SAMD4A: variants seen among roughly 807,000 people sequenced by gnomAD.
SAMD4A encodes protein Smaug homolog 1.
In SAMD4A, 33 loss-of-function variants were observed where a neutral mutation model predicts 81.3. The observed-to-expected ratio is 0.41, with a 90% confidence interval of 0.31 to 0.54. SAMD4A has a LOEUF of 0.54. Among genes scored for constraint, SAMD4A ranks in the 20% least tolerant of loss-of-function variants. The pLI is 0.37. For missense variants in SAMD4A, 854 were observed against 951.1 expected (o/e 0.90, Z 1.34); for synonymous variants, 389 against 382.1 (o/e 1.02, Z -0.21).
intron 3 of SAMD4A, among the ~76,000 whole-genome samples, chr14:54,727,820 GCA>G (rs534072436): frequency 2.0e-5 from 3 of 151,900 alleles, no homozygotes; most frequent in African/African-American, 7.3e-5. Flanking sequence ...ACACGCACGC[GCA>G]CACACACACA....
intron 6 of SAMD4A, among the ~76,000 whole-genome samples, chr14:54,759,683 AC>A (rs747266200): frequency 2.4e-4 from 36 of 152,166 alleles, no homozygotes; most frequent in Non-Finnish European, 1.0e-4. Context: ...CCAGCCTCTG[AC>A]CCAGAGTCTC....
intron 2 of SAMD4A, among the ~76,000 whole-genome samples, chr14:54,634,674 A>T (rs1473887931): frequency 6.6e-6 from 1 of 152,082 alleles, no homozygotes; most frequent in African/African-American, 2.4e-5. Flanking sequence ...GTGGACCAGT[A>T]CCGGTCTGTG....
In SAMD4A at chr14:54,620,724, T is replaced by TA. The variant is rs534810703; in HGVS notation, c.196+52616dup. Among the ~76,000 whole-genome samples the TA allele has an allele frequency of 2.0e-4, 31 of 152,344 alleles. No individual in the cohort carries two copies. In the East Asian group the frequency reaches 5.6e-3, roughly 27 times the overall value. On this transcript the variant is annotated intron_variant, in intron 2 of 12. Coordinates refer to ENST00000554335, the MANE Select transcript of SAMD4A (RefSeq NM_015589.6). ...TTTCTGAGCAAACTTGTCTGTAATT[T>TA]AAAATTGAACCTAGAAAAAAATCAT...
At chr14:54,632,372 A>C (rs1036338815) in intron 2 of SAMD4A, among the ~76,000 whole-genome samples, 3 of 152,250 alleles carry the variant, frequency 2.0e-5, no homozygotes, top group African/African-American at 4.8e-5. Context: ...CAAAAGGCAC[A>C]AAAGAATACA....
intron 2 of SAMD4A, among the ~76,000 whole-genome samples, chr14:54,579,617 T>C (rs1338558677): frequency 3.9e-5 from 6 of 152,218 alleles, no homozygotes; most frequent in African/African-American, 1.4e-4. Flanking sequence ...ACATTTTAAC[T>C]CTCCATAGCT....
intron 2 of SAMD4A, chr14:54,688,069 T>C: frequency 2.0e-6 from 2 of 985,566 alleles, no homozygotes; most frequent in Non-Finnish European, 2.4e-6. Context: ...TCTTATGTGA[T>C]CATTCCATCA....
At chr14:54,654,818 A>G (rs550948718) in intron 2 of SAMD4A, among the ~76,000 whole-genome samples, 7 of 152,326 alleles carry the variant, frequency 4.6e-5, no homozygotes, top group African/African-American at 1.7e-4. Context: ...CCTTCACTCC[A>G]TGGTTGGTGC....
At chr14:54,626,739 C>T (rs1480453367) in intron 2 of SAMD4A, among the ~76,000 whole-genome samples, 1 of 152,132 alleles carries the variant, frequency 6.6e-6, no homozygotes, top group African/African-American at 2.4e-5. Flanking sequence ...CAGCAATTCT[C>T]TGTTCAACAC....
At chr14:54,783,053 G>A (rs1054772104) in intron 11 of SAMD4A, among the ~76,000 whole-genome samples, 2 of 151,880 alleles carry the variant, frequency 1.3e-5, no homozygotes, top group East Asian at 1.9e-4. Context: ...GAGACTTCTC[G>A]GTCACCTGGA....
chr14:54,614,803 C>T (rs1220585769), intron 2 of SAMD4A, among the ~76,000 whole-genome samples: 2 of 151,986 alleles, frequency 1.3e-5, no homozygotes, highest in African/African-American at 4.8e-5. Context: ...CTGGAGAAAC[C>T]CACTGTTTTC....
At chr14:54,787,237 C>A (rs1363166984) in intron 12 of SAMD4A, among the ~76,000 whole-genome samples, 4 of 152,232 alleles carry the variant, frequency 2.6e-5, no homozygotes, top group Non-Finnish European at 5.9e-5. Context: ...ACCACTGACA[C>A]ACTCAGGGAC....
At chr14:54,565,460 C>A (rs1467485500), upstream of SAMD4A, among the ~76,000 whole-genome samples, 5 of 152,244 alleles carry the variant, frequency 3.3e-5, no homozygotes, top group East Asian at 7.7e-4. This position sits in a 1 kb window ranked among gnomAD's most constrained non-coding sequence, Gnocchi z 5.4. Context: ...CGGCACCCGA[C>A]CCGGGCCAGG....
Position 54,760,274 on chromosome 14 carries a change from G to A in SAMD4A, c.1290G>A (p.Arg430=), listed in dbSNP as rs775011168. 6.2e-7 allele frequency: 1 copy of A among 1,612,484 alleles called. No individual in the cohort carries two copies. Among genetic ancestry groups the A allele is most frequent in the South Asian group, 1.1e-5 (1 of 90,956 alleles). The change falls in exon 7 of 13, where the codon CGG becomes CGA. Residue 430 remains arginine, a synonymous_variant. Transcript: ENST00000554335. ...SPSTTPEARR[R]EPQAPRQPSL... ...GCACCACCCCCGAGGCTCGCCGCCG[G>A]GAGCCCCAGGCCCCGCGTCAGCCCT...
intron 4 of SAMD4A, among the ~76,000 whole-genome samples, chr14:54,741,468 G>A (rs1317929393): frequency 6.6e-6 from 1 of 152,208 alleles, no homozygotes; most frequent in African/African-American, 2.4e-5. Flanking sequence ...CTCATTCACA[G>A]GTTACTTTTG....
In SAMD4A at chr14:54,751,501, C is replaced by T; in HGVS notation, c.1140C>T (p.Leu380=). Residue 380 remains leucine, a synonymous_variant, in exon 6 of 13, where the codon CTC becomes CTT. Transcript: ENST00000554335. ...RHKIVISIQK[L]KERQNLLKSL... is the part of the protein sequence containing the mutation. ...AAATTGTCATCAGTATTCAGAAGCT[C>T]AAAGAAAGACAAAATCTCCTGAAGT... 1.9e-6 allele frequency: 3 copies of T among 1,608,832 alleles called. No homozygotes were observed. Among genetic ancestry groups the T allele is most frequent in the East Asian group, 4.5e-5 (2 of 44,832 alleles).
At chr14:54,756,407 C>T (rs181650658) in intron 6 of SAMD4A, among the ~76,000 whole-genome samples, 12 of 152,304 alleles carry the variant, frequency 7.9e-5, no homozygotes, top group African/African-American at 2.9e-4. Flanking sequence ...GCTGTTTATC[C>T]TTTCCTGAAA....
At chr14:54,718,171 C>G (rs1287125539) in intron 3 of SAMD4A, among the ~76,000 whole-genome samples, 1 of 152,204 alleles carries the variant, frequency 6.6e-6, no homozygotes, top group Non-Finnish European at 1.5e-5. Flanking sequence ...GGGTCACACT[C>G]GTGACCATCT....
intron 3 of SAMD4A, among the ~76,000 whole-genome samples, chr14:54,733,614 G>T (rs541135242): frequency 6.6e-6 from 1 of 152,218 alleles, no homozygotes; most frequent in Admixed American, 6.5e-5. Context: ...TCTAGGTTGA[G>T]ATTTTTTTTT....
chr14:54,702,829 A>G, intron 3 of SAMD4A: 1 of 456,538 alleles, frequency 2.2e-6, no homozygotes, highest in Non-Finnish European at 3.9e-6. Flanking sequence ...CCAAAAATAA[A>G]TAGACAATAA....
Sources: gnomAD v4.1 joint callset for allele counts (sites outside exome capture counted in the v4.1 genomes callset) on GRCh38, gnomAD v4.1.1 for gene constraint, Gnocchi (gnomAD v3.1) non-coding constraint, MANE v1.5 for transcripts, NCBI Gene and HGNC (gene_info 2026-07-23, HGNC 2026-07-21) for gene names.